Variants in EFCAB5 observed in about 807,000 individuals in gnomAD.
EFCAB5 encodes EF-hand calcium binding domain 5, also known as EF-hand calcium-binding domain-containing protein 5.
Under a neutral mutation model 167.9 loss-of-function variants are expected in EFCAB5, and 131 were observed. That is an observed-to-expected ratio of 0.78 (90% CI 0.68 to 0.90). The LOEUF is 0.90. EFCAB5 is among the 40% of genes least tolerant of loss of function. The pLI is 0.00. For missense variants in EFCAB5, 1,663 were observed against 1,745.2 expected (o/e 0.95, Z 0.84); for synonymous variants, 574 against 602.8 (o/e 0.95, Z 0.70).
chr17:30,036,859 C>A (rs1354924952), intron 8 of EFCAB5, among the ~76,000 whole-genome samples: 1 of 152,136 alleles, frequency 6.6e-6, no homozygotes, highest in Non-Finnish European at 1.5e-5. Context: ...GGCATCAAAG[C>A]AGTTATTCTA....
At chr17:29,953,642 G>A (rs986798559) in intron 3 of EFCAB5, among the ~76,000 whole-genome samples, 1 of 152,198 alleles carries the variant, frequency 6.6e-6, no homozygotes, top group Non-Finnish European at 1.5e-5. Context: ...AAATTACCCA[G>A]TCTCAGGTAT....
At chr17:30,070,787 T>C (rs1431403787) in intron 14 of EFCAB5, among the ~76,000 whole-genome samples, 6 of 151,436 alleles carry the variant, frequency 4.0e-5, no homozygotes, top group African/African-American at 1.5e-4. Flanking sequence ...CTGTCTCTAC[T>C]AAAAATACAA....
chr17:30,098,440 G>A (rs935698561), intron 22 of EFCAB5, among the ~76,000 whole-genome samples: 2 of 151,808 alleles, frequency 1.3e-5, no homozygotes, highest in African/African-American at 4.8e-5. Context: ...GCTGAGGTGG[G>A]AGGATCGCTT....
Position 30,020,790 on chromosome 17 carries a change from C to T in EFCAB5, c.1045-13440C>T, listed in dbSNP as rs562879250. Among the ~76,000 whole-genome samples, 3 of 152,294 alleles carry T rather than the reference C, an allele frequency of 2.0e-5. No homozygotes were observed. The South Asian group carries it at 6.2e-4, about 32-fold the overall frequency. ...GGCAGTTGACTCTCATCCTCCACAG[C>T]AGGCTCAAGCCTGACCTTCCAATAA... On this transcript the variant is annotated intron_variant, in intron 7 of 22. Coordinates refer to ENST00000394835, the MANE Select transcript of EFCAB5 (RefSeq NM_198529.4).
chr17:30,002,977 G>A (rs2068693876), intron 7 of EFCAB5, among the ~76,000 whole-genome samples: 1 of 151,176 alleles, frequency 6.6e-6, no homozygotes, highest in Non-Finnish European at 1.5e-5. Flanking sequence ...TTTTTCTCTT[G>A]TTGGTTTGTA....
chr17:29,934,875 C>T (rs2067232270), intron 1 of EFCAB5, among the ~76,000 whole-genome samples: 1 of 152,156 alleles, frequency 6.6e-6, no homozygotes, highest in African/African-American at 2.4e-5. Context: ...ATCAACCACT[C>T]CAGTTATTTT....
chr17:30,004,318 G>A (rs2068729824), intron 7 of EFCAB5, among the ~76,000 whole-genome samples: 1 of 152,196 alleles, frequency 6.6e-6, no homozygotes, highest in Admixed American at 6.5e-5. Flanking sequence ...GTGGAAGAAG[G>A]GGAGTGCCAC....
Position 30,004,181 on chromosome 17 carries a change from A to T in EFCAB5, c.1044+4205A>T, listed in dbSNP as rs769723808. Among the ~76,000 whole-genome samples the T allele has an allele frequency of 2.0e-5, 3 of 152,188 alleles. No individual in the cohort carries two copies. The South Asian group carries it at 6.2e-4, about 32-fold the overall frequency. On this transcript the variant is annotated intron_variant, in intron 7 of 22. Coordinates refer to ENST00000394835, the MANE Select transcript of EFCAB5 (RefSeq NM_198529.4). The stretch of plus-strand genomic sequence containing the variant: ...CTCCCAATGCACATGTGGTCCCCCA[A>T]TCATTTGCAGGCATGCCCAGGCAAG...
At chr17:29,993,508 A>C (rs2068469829) in intron 5 of EFCAB5, among the ~76,000 whole-genome samples, 187 bp downstream of exon 5, 1 of 152,154 alleles carries the variant, frequency 6.6e-6, no homozygotes, top group Admixed American at 6.5e-5. Context: ...AAAAAAAAAA[A>C]AAAATTCTAG....
intron 8 of EFCAB5, among the ~76,000 whole-genome samples, chr17:30,035,310 G>A (rs747211019): frequency 2.0e-4 from 31 of 152,238 alleles, no homozygotes; most frequent in South Asian, 4.1e-4. Flanking sequence ...ACACCAATTC[G>A]TGTGCTGTAA....
chr17:30,032,427 A>G (rs2069502398), intron 7 of EFCAB5, among the ~76,000 whole-genome samples: 1 of 152,202 alleles, frequency 6.6e-6, no homozygotes, highest in African/African-American at 2.4e-5. Flanking sequence ...CATAAGGATT[A>G]CTTTCAGCTA....
intron 19 of EFCAB5, 21 bp from the exon 20 acceptor site, chr17:30,090,400 C>T (rs768464283): frequency 6.2e-7 from 1 of 1,608,362 alleles, no homozygotes; most frequent in Non-Finnish European, 8.5e-7. Flanking sequence ...TATCCTTGTG[C>T]TTATTTGGTT....
At chr17:30,027,710 G>T (rs567790691) in intron 7 of EFCAB5, among the ~76,000 whole-genome samples, 3 of 152,130 alleles carry the variant, frequency 2.0e-5, no homozygotes, top group Admixed American at 1.3e-4. Context: ...CCAGGTTTTT[G>T]GTTCCAGGCA....
rs112777810 is a variant in EFCAB5 at position 30,009,474 on chromosome 17, T to C, written c.1044+9498T>C. Among the ~76,000 whole-genome samples the C allele has an allele frequency of 2.8e-3, 430 of 152,354 alleles. 2 individuals are homozygous for C. The highest frequency in any genetic ancestry group is 9.8e-3 in the African/African-American group (409 of 41,570). On this transcript the variant is annotated intron_variant, in intron 7 of 22. Coordinates refer to ENST00000394835, the MANE Select transcript of EFCAB5 (RefSeq NM_198529.4). Reference sequence around the variant, plus strand: ...GTCTATTCTGAACATTTCATATATATGGAATATACAATATGTGGTCTTTTG... The same window carrying C: ...GTCTATTCTGAACATTTCATATATACGGAATATACAATATGTGGTCTTTTG...
chr17:30,044,093 C>T (rs2069850903), intron 8 of EFCAB5, among the ~76,000 whole-genome samples: 1 of 151,570 alleles, frequency 6.6e-6, no homozygotes, highest in Admixed American at 6.6e-5. Flanking sequence ...ATAAAACAAC[C>T]CAATTAAAAA....
At chr17:30,025,321 AG>A (rs1456356253) in intron 7 of EFCAB5, among the ~76,000 whole-genome samples, 1 of 152,208 alleles carries the variant, frequency 6.6e-6, no homozygotes, top group Non-Finnish European at 1.5e-5. Flanking sequence ...CAAATTTACA[AG>A]AAAAAAACAA....
At chr17:29,951,578 A>G (rs1597570717) in intron 3 of EFCAB5, among the ~76,000 whole-genome samples, 1 of 151,736 alleles carries the variant, frequency 6.6e-6, no homozygotes, top group Non-Finnish European at 1.5e-5. Flanking sequence ...GATGGTCTCA[A>G]TCTCCTGACC....
At chr17:29,975,771 G>A (rs960651591) in intron 4 of EFCAB5, among the ~76,000 whole-genome samples, 2 of 152,162 alleles carry the variant, frequency 1.3e-5, no homozygotes, top group Non-Finnish European at 1.5e-5. Flanking sequence ...GATCATGGTT[G>A]TCTATCAGTG....
At chr17:30,000,115 A>G in intron 7 of EFCAB5, 139 bp downstream of exon 7, 1 of 591,362 alleles carries the variant, frequency 1.7e-6, no homozygotes. Context: ...TATGTACTTT[A>G]AAATATTTCA....
Sources: gnomAD v4.1 joint callset for allele counts (sites outside exome capture counted in the v4.1 genomes callset) on GRCh38, gnomAD v4.1.1 for gene constraint, MANE v1.5 for transcripts, NCBI Gene and HGNC (gene_info 2026-07-23, HGNC 2026-07-21) for gene names.